Variants in EXT1 observed in about 807,000 individuals in gnomAD.
EXT1 encodes the protein exostosin-1.
Under a neutral mutation model 82.5 loss-of-function variants are expected in EXT1, and 20 were observed. The ratio of observed to expected loss-of-function variants is 0.24; its 90% CI spans 0.17 to 0.35. The LOEUF (loss-of-function observed/expected upper bound fraction) is 0.35. Among genes scored for constraint, EXT1 ranks in the 10% least tolerant of loss-of-function variants. EXT1 has a pLI of 1.00. For synonymous variants in EXT1, 348 were observed against 350.8 expected, an observed-to-expected ratio of 0.99 and a Z score of 0.09; for missense variants, 757 against 936.5, an observed-to-expected ratio of 0.81 and a Z score of 2.50.
intron 1 of EXT1, among the ~76,000 whole-genome samples, chr8:118,024,820 G>C (rs1816174387): frequency 6.6e-6 from 1 of 152,182 alleles, no homozygotes. Flanking sequence ...GATCACAGGA[G>C]GCATGATCCT....
Position 117,819,780 on chromosome 8 carries a change from A to G in EXT1, c.1432T>C (p.Ser478Pro). 6.2e-7 allele frequency: 1 copy of G among 1,613,446 alleles called. No individual in the cohort carries two copies. The highest frequency in any genetic ancestry group is 1.8e-4 in the Middle Eastern group (1 of 5,558). Residue 478 changes from serine to proline, a missense_variant, in exon 6 of 11, where the codon TCC (serine) becomes CCC (proline). By Grantham distance (74) the Ser-to-Pro change is moderately conservative. Coordinates refer to ENST00000378204, the MANE Select transcript of EXT1 (RefSeq NM_000127.3). ...YYANLGLKPP[S>P]KFTAVIHAVT... Reference sequence around the variant, plus strand: ...GCATGGATGACTGCAGTGAATTTGGAGGGGGGCTTTAAACCTGAAATAAAA... The same window carrying G: ...GCATGGATGACTGCAGTGAATTTGGGGGGGGGCTTTAAACCTGAAATAAAA...
intron 1 of EXT1, among the ~76,000 whole-genome samples, chr8:117,871,795 G>C (rs1202219119): frequency 6.6e-6 from 1 of 152,068 alleles, no homozygotes; most frequent in Non-Finnish European, 1.5e-5. Flanking sequence ...CCTAGGGTAG[G>C]GCTGGGGTGG....
At chr8:118,016,376 G>A (rs1027532495) in intron 1 of EXT1, among the ~76,000 whole-genome samples, 1 of 152,230 alleles carries the variant, frequency 6.6e-6, no homozygotes, top group African/African-American at 2.4e-5. Context: ...CTGGGTGACT[G>A]AGAGAGACTC....
intron 1 of EXT1, among the ~76,000 whole-genome samples, chr8:117,895,262 G>A (rs960111718): frequency 2.6e-5 from 4 of 152,110 alleles, no homozygotes; most frequent in Non-Finnish European, 4.4e-5. Context: ...AATATCAAGC[G>A]TTGTCTACGG....
rs77359261 is a variant in EXT1, at chr8:117,979,375, C to A, written c.962+130710G>T. 1.3e-3 allele frequency among the ~76,000 whole-genome samples: 104 copies of A among 82,488 alleles called. 1 individual carries two copies. In the East Asian group the frequency reaches 0.017, roughly 14 times the overall value. 54.1% of individuals were successfully genotyped at this position (82,488 alleles called of 152,430 possible). On this transcript the variant is annotated intron_variant, in intron 1 of 10. Coordinates refer to ENST00000378204, the MANE Select transcript of EXT1 (RefSeq NM_000127.3). Reference sequence around the variant, plus strand: ...TCTCAAAAACAAACAAACAAACAAACAAACAAAAAAACAAAACAAAAAAAG... The same window carrying A: ...TCTCAAAAACAAACAAACAAACAAAAAAACAAAAAAACAAAACAAAAAAAG...
At chr8:117,828,994 G>C (rs1375644583) in intron 4 of EXT1, among the ~76,000 whole-genome samples, 1 of 152,068 alleles carries the variant, frequency 6.6e-6, no homozygotes, top group Non-Finnish European at 1.5e-5. Flanking sequence ...TCAGTTTCTT[G>C]GTATTACTCA....
intron 1 of EXT1, among the ~76,000 whole-genome samples, chr8:117,913,524 T>C (rs1015809659): frequency 1.3e-5 from 2 of 152,178 alleles, no homozygotes; most frequent in African/African-American, 4.8e-5. Flanking sequence ...AAGCAGAGAC[T>C]CTCTTTAACC....
In EXT1 at chr8:117,807,287, G is replaced by T; in HGVS notation, c.1813C>A (p.Arg605=). 1 of 1,614,108 alleles carries T rather than the reference G, an allele frequency of 6.2e-7. No homozygotes were observed. The highest frequency in any genetic ancestry group is 2.2e-5 in the East Asian group (1 of 44,880). The change falls in exon 9 of 11, where the codon CGG becomes AGG. Residue 605 remains arginine (R), a synonymous_variant. Transcript: ENST00000378204. The stretch of plus-strand genomic sequence containing the variant: ...GTCCACTTTGATGTGTATCCCCACC[G>T]CTCCTTAGAGTTATCCCAGAAGTGG... The part of the protein sequence containing the change: ...RSHFWDNSKE[R]WGYTSKWTND...
chr8:117,996,863 G>A (rs989257208), intron 1 of EXT1, among the ~76,000 whole-genome samples: 9 of 152,162 alleles, frequency 5.9e-5, no homozygotes, highest in Non-Finnish European at 1.2e-4. Context: ...CCCATTCTGG[G>A]CCAAGCAGCT....
intron 1 of EXT1, among the ~76,000 whole-genome samples, chr8:117,974,866 C>CCTAAGACAA (rs1401538343): frequency 1.3e-5 from 2 of 152,154 alleles, no homozygotes; most frequent in Non-Finnish European, 2.9e-5. Flanking sequence ...ATTATCATAT[C>CCTAAGACAA]CTAAGACAAC....
chr8:117,841,537 T>C (rs1812274240), intron 1 of EXT1, among the ~76,000 whole-genome samples: 1 of 152,158 alleles, frequency 6.6e-6, no homozygotes, highest in South Asian at 2.1e-4. Flanking sequence ...AAACATATGA[T>C]ATCCTAAGCA....
chr8:118,071,494 G>A (rs1402701973), intron 1 of EXT1, among the ~76,000 whole-genome samples: 3 of 151,182 alleles, frequency 2.0e-5, no homozygotes, highest in Non-Finnish European at 4.4e-5. Flanking sequence ...AAAGTAAGTT[G>A]GCAATGACGA....
At chr8:117,801,066 C>T (rs1292887005) in intron 10 of EXT1, among the ~76,000 whole-genome samples, 1 of 152,204 alleles carries the variant, frequency 6.6e-6, no homozygotes. Flanking sequence ...AAAATACTTT[C>T]ATGGGAAGAT....
intron 1 of EXT1, among the ~76,000 whole-genome samples, chr8:117,984,953 C>A (rs920616726): frequency 6.6e-6 from 1 of 152,288 alleles, no homozygotes; most frequent in East Asian, 1.9e-4. Context: ...AGGAACGCTA[C>A]GGACGGGCAG....
At chr8:118,033,511 C>T (rs1197829703) in intron 1 of EXT1, among the ~76,000 whole-genome samples, 1 of 152,170 alleles carries the variant, frequency 6.6e-6, no homozygotes, top group Non-Finnish European at 1.5e-5. Flanking sequence ...CAGGGTCTTA[C>T]TCTGTTGCCC....
At chr8:117,823,524 A>T (rs1811959531) in intron 4 of EXT1, among the ~76,000 whole-genome samples, 2 of 152,046 alleles carry the variant, frequency 1.3e-5, no homozygotes, top group Admixed American at 1.3e-4. Context: ...AAAAAGAAAA[A>T]AATCCTGCCG....
chr8:117,944,693 A>C (rs2129680717), intron 1 of EXT1, among the ~76,000 whole-genome samples: 2 of 152,350 alleles, frequency 1.3e-5, no homozygotes, highest in Admixed American at 1.3e-4. Context: ...ATGCTTATTA[A>C]AGAAGAATAC....
chr8:117,845,909 A>C (rs940686634), intron 1 of EXT1, among the ~76,000 whole-genome samples: 2 of 152,172 alleles, frequency 1.3e-5, no homozygotes, highest in Non-Finnish European at 2.9e-5. Context: ...TGATGAAGTA[A>C]AGTGTCACAG....
At chr8:117,962,274 C>T (rs1814715480) in intron 1 of EXT1, among the ~76,000 whole-genome samples, 1 of 152,134 alleles carries the variant, frequency 6.6e-6, no homozygotes, top group Admixed American at 6.6e-5. Flanking sequence ...AAAGCAGAAA[C>T]TGCTTACGTT....
Sources: allele counts gnomAD v4.1 joint callset (sites outside exome capture counted in the v4.1 genomes callset), GRCh38; gene constraint gnomAD v4.1.1; transcripts MANE v1.5; gene names NCBI Gene and HGNC (gene_info 2026-07-23, HGNC 2026-07-21).